C2orf66: variants seen among roughly 807,000 people sequenced by gnomAD.
C2orf66 encodes chromosome 2 open reading frame 66, also known as uncharacterized protein C2orf66.
Under a neutral mutation model 7.0 loss-of-function variants are expected in C2orf66, and 6 were observed. That is an observed-to-expected ratio of 0.86 (90% CI 0.47 to 1.69). C2orf66 has a LOEUF of 1.69. Among genes scored for constraint, C2orf66 ranks in the 40% most tolerant of loss-of-function variants. C2orf66 has a pLI of 0.01. For missense variants in C2orf66, 107 were observed against 112.0 expected (o/e 0.96, Z 0.20); for synonymous variants, 38 against 43.8 (o/e 0.87, Z 0.52).
intron 2 of C2orf66, among the ~76,000 whole-genome samples, chr2:196,805,665 A>G (rs978480061): frequency 1.3e-5 from 2 of 151,710 alleles, no homozygotes; most frequent in Admixed American, 6.6e-5. Context: ...CTGCCCTTTT[A>G]TATTACCTCA....
At chr2:196,806,570 G>A (rs1010700977) in intron 2 of C2orf66, among the ~76,000 whole-genome samples, 4 of 151,646 alleles carry the variant, frequency 2.6e-5, no homozygotes, top group Admixed American at 2.0e-4. Flanking sequence ...AATGAAATTC[G>A]CTGGGTGTGG....
the C2orf66 span, among the ~76,000 whole-genome samples, chr2:196,821,094 G>C: frequency 6.6e-6 from 1 of 152,148 alleles, no homozygotes; most frequent in Non-Finnish European, 1.5e-5. Flanking sequence ...AGAGCAGAGA[G>C]AGATTTGACA....
chr2:196,813,337 C>T (rs1699893665), upstream of C2orf66, among the ~76,000 whole-genome samples: 1 of 152,150 alleles, frequency 6.6e-6, no homozygotes, highest in Non-Finnish European at 1.5e-5. Flanking sequence ...AAAGGATCCC[C>T]TATTTAATAA....
At chr2:196,829,077 A>T in the C2orf66 span, among the ~76,000 whole-genome samples, 1 of 152,176 alleles carries the variant, frequency 6.6e-6, no homozygotes, top group Admixed American at 6.5e-5. Context: ...ATGTATATAT[A>T]CATACACACA....
the C2orf66 span, among the ~76,000 whole-genome samples, chr2:196,828,657 C>G: frequency 2.6e-5 from 4 of 152,166 alleles, no homozygotes; most frequent in Non-Finnish European, 5.9e-5. Flanking sequence ...AAGATATTCA[C>G]TTGAGCCCTC....
the C2orf66 span, among the ~76,000 whole-genome samples, chr2:196,825,392 T>G: frequency 6.6e-6 from 1 of 152,166 alleles, no homozygotes; most frequent in Non-Finnish European, 1.5e-5. Flanking sequence ...TGACTATAGT[T>G]AATAATACTA....
chr2:196,826,802 G>A, the C2orf66 span, among the ~76,000 whole-genome samples: 2 of 152,162 alleles, frequency 1.3e-5, no homozygotes, highest in South Asian at 2.1e-4. Context: ...GGAGACCGAG[G>A]TGGGCAGATC....
At chr2:196,829,733 T>C in the C2orf66 span, among the ~76,000 whole-genome samples, 1 of 149,710 alleles carries the variant, frequency 6.7e-6, no homozygotes, top group Non-Finnish European at 1.5e-5. Flanking sequence ...CCGTCTCTAC[T>C]AAAAATACAA....
At chr2:196,825,856 C>A in the C2orf66 span, among the ~76,000 whole-genome samples, 2 of 152,194 alleles carry the variant, frequency 1.3e-5, no homozygotes, top group African/African-American at 4.8e-5. Context: ...CCGAAGAGAA[C>A]AGGGAGAATT....
the C2orf66 span, among the ~76,000 whole-genome samples, chr2:196,819,356 C>A: frequency 6.6e-6 from 1 of 152,180 alleles, no homozygotes; most frequent in African/African-American, 2.4e-5. Context: ...GGGATTGGTG[C>A]CCTTCTAAAA....
the C2orf66 span, among the ~76,000 whole-genome samples, chr2:196,830,946 A>C: frequency 3.9e-5 from 6 of 152,114 alleles, no homozygotes; most frequent in African/African-American, 1.4e-4. Context: ...AGTGTAACCT[A>C]TCTCTCTAAT....
At chr2:196,819,425 G>C in the C2orf66 span, among the ~76,000 whole-genome samples, 1 of 152,174 alleles carries the variant, frequency 6.6e-6, no homozygotes, top group Non-Finnish European at 1.5e-5. Context: ...GGGAGAAGAT[G>C]ACAGTCTGCA....
the C2orf66 span, among the ~76,000 whole-genome samples, chr2:196,830,238 G>A: frequency 1.3e-5 from 2 of 152,194 alleles, no homozygotes; most frequent in Non-Finnish European, 2.9e-5. Flanking sequence ...TTACTTTTGG[G>A]GCACCTGTTA....
At chr2:196,827,780 T>G in the C2orf66 span, among the ~76,000 whole-genome samples, 1 of 152,222 alleles carries the variant, frequency 6.6e-6, no homozygotes. Flanking sequence ...GCATGGTGAT[T>G]GTCTTTTGTG....
chr2:196,822,574 C>T, the C2orf66 span, among the ~76,000 whole-genome samples: 1 of 152,094 alleles, frequency 6.6e-6, no homozygotes, highest in African/African-American at 2.4e-5. Flanking sequence ...TTTCATTTTC[C>T]CCTTCCCCAT....
At chr2:196,816,814 A>G in the C2orf66 span, among the ~76,000 whole-genome samples, 1 of 152,242 alleles carries the variant, frequency 6.6e-6, no homozygotes, top group Non-Finnish European at 1.5e-5. Context: ...CAATTCTAAA[A>G]GCCTGAGTAT....
chr2:196,819,186 T>G, the C2orf66 span, among the ~76,000 whole-genome samples: 3 of 152,220 alleles, frequency 2.0e-5, no homozygotes, highest in African/African-American at 4.8e-5. Context: ...ACTGCGTCAT[T>G]TCAACCGTTC....
At chr2:196,828,046 A>G in the C2orf66 span, among the ~76,000 whole-genome samples, 1 of 152,242 alleles carries the variant, frequency 6.6e-6, no homozygotes, top group South Asian at 2.1e-4. Context: ...GTTAGTCATT[A>G]CTCTTGACTG....
At chr2:196,809,074 C>G in intron 1 of C2orf66, 140 bp downstream of exon 1, 1 of 879,790 alleles carries the variant, frequency 1.1e-6, no homozygotes. Flanking sequence ...TAGTAAAACT[C>G]TGGTCCAATC....
Sources: gnomAD v4.1 joint callset for allele counts (sites outside exome capture counted in the v4.1 genomes callset) on GRCh38, gnomAD v4.1.1 for gene constraint, MANE v1.5 for transcripts, NCBI Gene and HGNC (gene_info 2026-07-23, HGNC 2026-07-21) for gene names.